Variants in MRNIP observed in about 807,000 individuals in gnomAD.
MRNIP encodes MRN complex interacting protein, also known as MRN complex-interacting protein.
A neutral mutation model predicts 29.8 loss-of-function variants in MRNIP; 30 were observed. The ratio of observed to expected loss-of-function variants is 1.01; its 90% CI spans 0.75 to 1.36. The LOEUF (loss-of-function observed/expected upper bound fraction) is 1.36. MRNIP is among the 40% of genes most tolerant of loss of function. The pLI, the probability that MRNIP is intolerant of heterozygous loss-of-function variation, is 0.00. For synonymous variants in MRNIP, 201 were observed against 164.1 expected, an observed-to-expected ratio of 1.23 and a Z score of -1.72; for missense variants, 459 against 423.5, an observed-to-expected ratio of 1.08 and a Z score of -0.74.
Position 179,853,408 on chromosome 5 carries a change from T to G in MRNIP, c.96A>C (p.Lys32Asn), listed in dbSNP as rs757650592. The G allele has an allele frequency of 1.9e-6, 3 of 1,612,906 alleles. No homozygotes were observed. The highest frequency in any genetic ancestry group is 2.5e-6 in the Non-Finnish European group (3 of 1,179,708). The change falls in exon 2 of 7, where the codon AAA (lysine) becomes AAC (asparagine). Residue 32 changes from lysine to asparagine, a missense_variant. Physicochemically the swap from Lys to Asn is moderately conservative, Grantham distance 94 (BLOSUM62 0). Coordinates refer to ENST00000292586, the MANE Select transcript of MRNIP (RefSeq NM_016175.4). Reference protein sequence around the residue: ...QVKKSVKWTCKACGEKQSFLQ... With the variant: ...QVKKSVKWTCNACGEKQSFLQ... ...AAAAGGACTGCTTCTCTCCACAAGC[T>G]TTGCATGTCCACTTGACACTCTTTT...
At chr5:179,851,450 G>C in intron 2 of MRNIP, 1 of 456,072 alleles carries the variant, frequency 2.2e-6, no homozygotes. Context: ...AAGGGAAGGA[G>C]AGGAGAAAAT....
At chr5:179,854,780 T>C (rs1759512428) in intron 1 of MRNIP, among the ~76,000 whole-genome samples, 1 of 152,240 alleles carries the variant, frequency 6.6e-6, no homozygotes, top group Non-Finnish European at 1.5e-5. Flanking sequence ...TTTAAATTCT[T>C]GTTAAACTTG....
intron 4 of MRNIP, among the ~76,000 whole-genome samples, chr5:179,842,861 C>T (rs575665817): frequency 4.0e-5 from 6 of 150,016 alleles, no homozygotes; most frequent in South Asian, 2.1e-4. Context: ...GGTGAAACCC[C>T]GTCTCTACTA....
At chr5:179,843,059 AAGGGAGGGAGGG>A (rs1191359772) in intron 4 of MRNIP, among the ~76,000 whole-genome samples, 3 of 119,892 alleles carry the variant, frequency 2.5e-5, no homozygotes, top group Non-Finnish European at 3.5e-5. Flanking sequence ...GGAAGGAAGG[AAGGGAGGGAGGG>A]AGGGAGGGAG....
chr5:179,855,907 G>GTTTT (rs1205010985), intron 1 of MRNIP, among the ~76,000 whole-genome samples: 41 of 111,008 alleles, frequency 3.7e-4, no homozygotes, highest in African/African-American at 8.6e-4. Flanking sequence ...AAGAAAAGTT[G>GTTTT]TTTTTTTTTT....
chr5:179,855,677 C>G (rs557295763), intron 1 of MRNIP, among the ~76,000 whole-genome samples: 1 of 152,186 alleles, frequency 6.6e-6, no homozygotes, highest in African/African-American at 2.4e-5. Context: ...ATGTTTAACA[C>G]CACAAAGATG....
intron 2 of MRNIP, among the ~76,000 whole-genome samples, chr5:179,850,802 G>C (rs1759335704): frequency 6.6e-6 from 1 of 152,184 alleles, no homozygotes; most frequent in South Asian, 2.1e-4. Flanking sequence ...CGTGTGGTCA[G>C]GGGTGGCCAC....
intron 1 of MRNIP, among the ~76,000 whole-genome samples, chr5:179,857,754 T>A (rs1263390331): frequency 1.3e-5 from 2 of 152,204 alleles, no homozygotes; most frequent in Admixed American, 6.5e-5. Flanking sequence ...GGCTCTCGCC[T>A]GTAATCCCAG....
intron 3 of MRNIP, among the ~76,000 whole-genome samples, chr5:179,845,321 G>C (rs914296554): frequency 1.3e-5 from 2 of 151,574 alleles, no homozygotes; most frequent in Admixed American, 6.6e-5. Context: ...GCTAATTTTT[G>C]TATTTTTAGT....
intron 2 of MRNIP, 64 bp downstream of exon 2, chr5:179,853,314 G>A (rs916689576): frequency 4.6e-5 from 74 of 1,604,348 alleles, no homozygotes; most frequent in Non-Finnish European, 6.3e-5. Context: ...TGGCATGCTG[G>A]GACTCCCTGG....
chr5:179,857,575 C>T (rs1042405098), intron 1 of MRNIP, among the ~76,000 whole-genome samples: 1 of 152,188 alleles, frequency 6.6e-6, no homozygotes, highest in Non-Finnish European at 1.5e-5. Flanking sequence ...CCTTTATTTG[C>T]AACTCTTAGG....
chr5:179,851,975 TA>T (rs201376545), intron 2 of MRNIP, among the ~76,000 whole-genome samples: 381 of 149,582 alleles, frequency 2.5e-3, no homozygotes, highest in African/African-American at 8.6e-3. Context: ...AGACTCCGTC[TA>T]AAAAAAAATA....
chr5:179,858,292 T>C (rs1026343581), intron 1 of MRNIP, among the ~76,000 whole-genome samples: 3 of 152,100 alleles, frequency 2.0e-5, no homozygotes, highest in Admixed American at 2.0e-4. Flanking sequence ...CCATATCAAG[T>C]CCCTGGCCCC....
chr5:179,857,402 AG>A (rs1465482350), intron 1 of MRNIP, among the ~76,000 whole-genome samples: 3 of 151,840 alleles, frequency 2.0e-5, no homozygotes, highest in Non-Finnish European at 4.4e-5. Flanking sequence ...CGGAGGTTGC[AG>A]TGAGCCGAGA....
intron 6 of MRNIP, chr5:179,840,615 A>C: frequency 1.8e-6 from 1 of 569,648 alleles, no homozygotes; most frequent in Non-Finnish European, 3.1e-6. Flanking sequence ...CCTGCTGGCC[A>C]ACCTCAGTTT....
chr5:179,837,944 A>G lies in MRNIP; in HGVS notation c.538-59T>C. ...AAGAACAATGCCAGGGCCCAGGAGG[A>G]CCGCCTGCCCTGCCTGGGCCTTGGC... On this transcript the variant is annotated intron_variant, in intron 6 of 6. Coordinates refer to ENST00000292586, the MANE Select transcript of MRNIP (RefSeq NM_016175.4). 2.6e-6 allele frequency: 4 copies of G among 1,527,476 alleles called. No homozygotes were observed. In the East Asian group the frequency reaches 6.8e-5, roughly 26 times the overall value. The allele number at this position is 1,527,476 out of a possible 1,614,324, so 94.6% of individuals were successfully genotyped here.
intron 4 of MRNIP, among the ~76,000 whole-genome samples, chr5:179,842,516 T>TG (rs1554093005): frequency 1.5e-5 from 2 of 130,474 alleles, no homozygotes; most frequent in African/African-American, 5.9e-5. Context: ...CCGTCTCTAC[T>TG]AAAAAAAAAA....
chr5:179,853,675 G>A (rs999621624), intron 1 of MRNIP, among the ~76,000 whole-genome samples: 6 of 152,050 alleles, frequency 3.9e-5, no homozygotes, highest in Admixed American at 1.3e-4. Flanking sequence ...AGGAGGCTGA[G>A]ACAGGAGAAT....
chr5:179,843,030 G>A (rs1289954784), intron 4 of MRNIP, among the ~76,000 whole-genome samples: 3 of 77,152 alleles, frequency 3.9e-5, no homozygotes, highest in East Asian at 9.9e-4. Context: ...AGACTCTGTC[G>A]AAAGGAGGAA....
Sources: gnomAD v4.1 joint callset for allele counts (sites outside exome capture counted in the v4.1 genomes callset) on GRCh38, gnomAD v4.1.1 for gene constraint, MANE v1.5 for transcripts, NCBI Gene and HGNC (gene_info 2026-07-23, HGNC 2026-07-21) for gene names.